Variants in DLGAP4 observed in about 807,000 individuals in gnomAD.
The protein encoded by DLGAP4 is disks large-associated protein 4.
In DLGAP4, 18 loss-of-function variants were observed where a neutral mutation model predicts 86.9. The ratio of observed to expected loss-of-function variants is 0.21; its 90% CI spans 0.14 to 0.31. The LOEUF (loss-of-function observed/expected upper bound fraction) is 0.31. Among genes scored for constraint, DLGAP4 ranks in the 10% least tolerant of loss-of-function variants. The pLI, the probability that DLGAP4 is intolerant of heterozygous loss-of-function variation, is 1.00. For synonymous variants in DLGAP4, 548 were observed against 574.3 expected (o/e 0.95, Z 0.65); for missense variants, 1,085 against 1,362.6 (o/e 0.80, Z 3.21).
chr20:36,327,299 C>T (rs2065225307), intron 1 of DLGAP4, among the ~76,000 whole-genome samples: 1 of 151,978 alleles, frequency 6.6e-6, no homozygotes, highest in South Asian at 2.1e-4. Flanking sequence ...CATGCCTGAC[C>T]TAAGATTTAC....
chr20:36,356,801 C>A (rs1730912170), intron 1 of DLGAP4, among the ~76,000 whole-genome samples: 1 of 152,110 alleles, frequency 6.6e-6, no homozygotes, highest in African/African-American at 2.4e-5. Flanking sequence ...AAGTTTCAGG[C>A]CCCTGTTATA....
chr20:36,452,652 G>A (rs1236728061), intron 7 of DLGAP4, among the ~76,000 whole-genome samples: 1 of 151,708 alleles, frequency 6.6e-6, no homozygotes, highest in Non-Finnish European at 1.5e-5. Context: ...TGGGATTACA[G>A]GCATATGCCA....
chr20:36,470,688 A>T (rs914846356), intron 7 of DLGAP4, among the ~76,000 whole-genome samples: 1 of 152,088 alleles, frequency 6.6e-6, no homozygotes, highest in East Asian at 1.9e-4. Flanking sequence ...ACGTGCAGCT[A>T]TTGTCAGTAA....
At chr20:36,364,325 C>G (rs1555894458) in intron 1 of DLGAP4, among the ~76,000 whole-genome samples, 1 of 152,060 alleles carries the variant, frequency 6.6e-6, no homozygotes, top group African/African-American at 2.4e-5. Flanking sequence ...GCAGGAGGAT[C>G]CCTTGAACCC....
chr20:36,461,446 C>A (rs1344568987), intron 7 of DLGAP4: 8 of 833,746 alleles, frequency 9.6e-6, no homozygotes, highest in Non-Finnish European at 9.2e-6. Flanking sequence ...GGGACTTTAA[C>A]CCGGAGCCCC....
chr20:36,487,849 A>G (rs1001025306), intron 7 of DLGAP4, among the ~76,000 whole-genome samples: 1 of 152,052 alleles, frequency 6.6e-6, no homozygotes, highest in African/African-American at 2.4e-5. Context: ...CTTGGCTCCT[A>G]CCCGGAGCAC....
chr20:36,371,503 C>T (rs1320376035), intron 2 of DLGAP4, among the ~76,000 whole-genome samples: 1 of 152,366 alleles, frequency 6.6e-6, no homozygotes, highest in Non-Finnish European at 1.5e-5. Context: ...AGATGGCCCT[C>T]TCTAAGGAGA....
rs2425245 is a variant in DLGAP4 at position 36,393,123 on chromosome 20, G to C, written c.-73+25848G>C. Among the ~76,000 whole-genome samples, 109,015 of 151,774 alleles carry C rather than the reference G, an allele frequency of 0.72. 39,759 individuals are homozygous for C. Among genetic ancestry groups the C allele is most frequent in the African/African-American group, 0.85 (35,133 of 41,360 alleles). On this transcript the variant is annotated intron_variant, in intron 2 of 12. Transcript: ENST00000339266. This position sits in a 1 kb window ranked among gnomAD's most constrained non-coding sequence, Gnocchi z 4.4. Reference sequence around the variant, plus strand: ...GGCCTTCATGAGGGGTTTGGTTTTGGTCAAGAGCTCAGGGGTGAGACTAGG... The same window carrying C: ...GGCCTTCATGAGGGGTTTGGTTTTGCTCAAGAGCTCAGGGGTGAGACTAGG...
intron 1 of DLGAP4, among the ~76,000 whole-genome samples, chr20:36,361,578 C>A (rs2030521675): frequency 6.6e-6 from 1 of 152,134 alleles, no homozygotes; most frequent in Non-Finnish European, 1.5e-5. Flanking sequence ...AGGGAGGAAG[C>A]TGGTGCAGTG....
intron 2 of DLGAP4, among the ~76,000 whole-genome samples, chr20:36,394,001 TGGCC>T (rs750941576): frequency 1.3e-5 from 2 of 152,200 alleles, no homozygotes; most frequent in Non-Finnish European, 2.9e-5. Context: ...CATGCCGCAC[TGGCC>T]TGCCTTCTAT....
chr20:36,461,177 G>C (rs373232708), intron 7 of DLGAP4, among the ~76,000 whole-genome samples: 1 of 152,064 alleles, frequency 6.6e-6, no homozygotes. Context: ...CCGGTTTGGC[G>C]AGGCGGTTCG....
chr20:36,362,579 CAGTT>C (rs1168589977), intron 1 of DLGAP4, among the ~76,000 whole-genome samples: 1 of 152,194 alleles, frequency 6.6e-6, no homozygotes, highest in African/African-American at 2.4e-5. Context: ...GAGCTCATGA[CAGTT>C]GGTCAAGGAA....
chr20:36,508,374 C>T (rs2036498120), intron 10 of DLGAP4: 1 of 150,444 alleles, frequency 6.6e-6, no homozygotes, highest in Non-Finnish European at 1.5e-5. Flanking sequence ...AATTCATACA[C>T]ATATACTACA....
rs1259298402 is a variant in DLGAP4 at position 36,350,173 on chromosome 20, C to T, written c.-303-16872C>T. 6.6e-6 allele frequency among the ~76,000 whole-genome samples: 1 copy of T among 152,204 alleles called. No individual in the cohort carries two copies. Among genetic ancestry groups the T allele is most frequent in the African/African-American group, 2.4e-5 (1 of 41,452 alleles). On this transcript the variant is annotated intron_variant, in intron 1 of 12. Coordinates refer to ENST00000339266, the MANE Select transcript of DLGAP4 (RefSeq NM_001365621.2). This position sits in a 1 kb window ranked among gnomAD's most constrained non-coding sequence, Gnocchi z 4.4. Reference sequence around the variant, plus strand: ...TCTGCACAGGGACCCAGAAGGCTGGCGGGTGCCAAGCCTGGATCGTCCCCC... The same window carrying T: ...TCTGCACAGGGACCCAGAAGGCTGGTGGGTGCCAAGCCTGGATCGTCCCCC...
At chr20:36,441,111 G>A (rs2033435252) in intron 5 of DLGAP4, among the ~76,000 whole-genome samples, 1 of 152,078 alleles carries the variant, frequency 6.6e-6, no homozygotes, top group African/African-American at 2.4e-5. Flanking sequence ...AGCTGTCAGA[G>A]CCACACCCCT....
chr20:36,515,852 C>T (rs1383853557), intron 10 of DLGAP4, among the ~76,000 whole-genome samples: 1 of 152,242 alleles, frequency 6.6e-6, no homozygotes, highest in African/African-American at 2.4e-5. Context: ...CTACAAATAA[C>T]ACTAAAACAT....
At position 36,318,271 on chromosome 20, in the gene DLGAP4, C is replaced by G. The variant is rs1600393959; in HGVS notation, c.-304+11759C>G. Among the ~76,000 whole-genome samples, 4 of 152,262 alleles carry G rather than the reference C, an allele frequency of 2.6e-5. No homozygotes were observed. The East Asian group carries it at 7.7e-4, about 29-fold the overall frequency. On this transcript the variant is annotated intron_variant, in intron 1 of 12. Coordinates refer to ENST00000339266, the MANE Select transcript of DLGAP4 (RefSeq NM_001365621.2). ...GTCCTGGGTCACAGCCTGACACCAG[C>G]TGTCTCTCCAACATGCCCTGGGGCT...
chr20:36,349,321 G>A (rs373775601), intron 1 of DLGAP4, among the ~76,000 whole-genome samples: 3 of 151,230 alleles, frequency 2.0e-5, no homozygotes, highest in Non-Finnish European at 4.4e-5. Flanking sequence ...GGGAGGCTGA[G>A]CCAGGAGAAT....
chr20:36,312,063 C>T (rs2147331986), intron 1 of DLGAP4, among the ~76,000 whole-genome samples: 1 of 152,216 alleles, frequency 6.6e-6, no homozygotes, highest in South Asian at 2.1e-4. Flanking sequence ...CTGTCAGTGG[C>T]CACACCTCCC....
Sources: allele counts gnomAD v4.1 joint callset (sites outside exome capture counted in the v4.1 genomes callset), GRCh38; gene constraint gnomAD v4.1.1; non-coding constraint Gnocchi (gnomAD v3.1); transcripts MANE v1.5; gene names NCBI Gene and HGNC (gene_info 2026-07-23, HGNC 2026-07-21).